The following SAMD12 variants were observed in gnomAD, a reference collection of about 807,000 sequenced individuals.
The protein encoded by SAMD12 is sterile alpha motif domain-containing protein 12.
SAMD12 carries 9 observed loss-of-function variants against 15.0 expected under a neutral mutation model. The observed-to-expected ratio is 0.60, with a 90% CI of 0.36 to 1.05. The LOEUF (loss-of-function observed/expected upper bound fraction) is 1.05, where lower values mean the gene tolerates loss of function less well. SAMD12 is among the 50% of genes least tolerant of loss of function. The pLI is 0.01. For missense variants in SAMD12, 230 were observed against 234.2 expected (o/e 0.98, Z 0.12); for synonymous variants, 86 against 90.1 (o/e 0.96, Z 0.25).
At chr8:118,288,638 A>T (rs1022321278) in intron 4 of SAMD12, among the ~76,000 whole-genome samples, 15 of 152,350 alleles carry the variant, frequency 9.8e-5, no homozygotes, top group Non-Finnish European at 2.2e-4. Flanking sequence ...ATATAATTAT[A>T]CAAGAACAGA....
At chr8:118,201,372 G>A (rs1014575355) in intron 4 of SAMD12, among the ~76,000 whole-genome samples, 6 of 151,924 alleles carry the variant, frequency 3.9e-5, no homozygotes, top group Non-Finnish European at 5.9e-5. Context: ...CACCTAGAGC[G>A]TCACTTCCTT....
chr8:118,253,742 A>G (rs766222063), intron 4 of SAMD12, among the ~76,000 whole-genome samples: 2 of 152,192 alleles, frequency 1.3e-5, no homozygotes, highest in African/African-American at 2.4e-5. Context: ...AACCAAGGTC[A>G]GGTCCCAGAA....
intron 4 of SAMD12, among the ~76,000 whole-genome samples, chr8:118,344,709 G>A (rs1181452151): frequency 6.6e-6 from 1 of 152,134 alleles, no homozygotes; most frequent in East Asian, 1.9e-4. Flanking sequence ...TTGAGGGCAG[G>A]GACTTGTTTT....
chr8:118,220,602 G>A (rs1812062012), intron 4 of SAMD12, among the ~76,000 whole-genome samples: 1 of 152,020 alleles, frequency 6.6e-6, no homozygotes, highest in Non-Finnish European at 1.5e-5. Context: ...TTATTCTCAT[G>A]TGTTTCTCAA....
At chr8:118,245,821 G>C (rs1812677306) in intron 4 of SAMD12, among the ~76,000 whole-genome samples, 1 of 152,048 alleles carries the variant, frequency 6.6e-6, no homozygotes, top group African/African-American at 2.4e-5. Context: ...CTCTAAACAG[G>C]CAGATCTTTC....
chr8:118,469,046 C>T (rs1371148590), intron 2 of SAMD12, among the ~76,000 whole-genome samples: 1 of 152,152 alleles, frequency 6.6e-6, no homozygotes, highest in African/African-American at 2.4e-5. Flanking sequence ...GGAAGGCAGC[C>T]CAGCACATTT....
intron 4 of SAMD12, among the ~76,000 whole-genome samples, chr8:118,299,211 A>G (rs1421333654): frequency 1.3e-5 from 2 of 152,204 alleles, no homozygotes; most frequent in Non-Finnish European, 2.9e-5. Context: ...ATATATAAAT[A>G]AGGTACCAGA....
intron 2 of SAMD12, among the ~76,000 whole-genome samples, chr8:118,539,175 A>T (rs572740563): frequency 2.6e-5 from 4 of 152,234 alleles, no homozygotes; most frequent in Admixed American, 1.3e-4. Flanking sequence ...TGCTGATCAT[A>T]TATAGATATA....
chr8:118,292,185 C>T (rs1364126769), intron 4 of SAMD12, among the ~76,000 whole-genome samples: 7 of 151,354 alleles, frequency 4.6e-5, no homozygotes, highest in Middle Eastern at 6.8e-3. Context: ...ACTGCAAATA[C>T]GGTGCTGTGT....
At chr8:118,444,912 T>A (rs1460257669) in intron 2 of SAMD12, among the ~76,000 whole-genome samples, 3 of 152,164 alleles carry the variant, frequency 2.0e-5, no homozygotes, top group Admixed American at 6.5e-5. Flanking sequence ...GTGAGCCCAG[T>A]TGGTTGATTA....
chr8:118,541,080 A>T (rs998926825), intron 2 of SAMD12, among the ~76,000 whole-genome samples: 3 of 152,186 alleles, frequency 2.0e-5, no homozygotes, highest in African/African-American at 4.8e-5. Context: ...ACCAAGAAAA[A>T]CTACCACATG....
intron 2 of SAMD12, among the ~76,000 whole-genome samples, chr8:118,574,352 C>T (rs1827097045): frequency 6.6e-6 from 1 of 152,206 alleles, no homozygotes; most frequent in South Asian, 2.1e-4. Context: ...TGGCTCCAAG[C>T]ACTTGTTATT....
At chr8:118,533,096 A>G (rs1157395241) in intron 2 of SAMD12, among the ~76,000 whole-genome samples, 4 of 151,968 alleles carry the variant, frequency 2.6e-5, no homozygotes, top group African/African-American at 7.2e-5. Flanking sequence ...ATTTCCCTCT[A>G]CACACTGTTT....
chr8:118,155,498 T>C, the SAMD12 span, among the ~76,000 whole-genome samples: 1 of 152,232 alleles, frequency 6.6e-6, no homozygotes, highest in Admixed American at 6.5e-5. Flanking sequence ...GTCTCTGGCA[T>C]CCCATCTGGT....
chr8:118,465,605 G>A (rs1458164899), intron 2 of SAMD12, among the ~76,000 whole-genome samples: 1 of 152,118 alleles, frequency 6.6e-6, no homozygotes, highest in East Asian at 1.9e-4. Context: ...CCTGTCAAGG[G>A]CTGCCCTTAG....
intron 1 of SAMD12, among the ~76,000 whole-genome samples, chr8:118,588,696 G>A (rs1827508823): frequency 1.3e-5 from 2 of 152,094 alleles, no homozygotes; most frequent in Non-Finnish European, 2.9e-5. Context: ...CTTGCTCTAG[G>A]GTAGAGTATA....
intron 4 of SAMD12, among the ~76,000 whole-genome samples, chr8:118,341,385 A>G (rs1382807445): frequency 6.6e-6 from 1 of 152,256 alleles, no homozygotes. Context: ...TCAAGTAAAG[A>G]AATGTTAAAT....
intron 4 of SAMD12, among the ~76,000 whole-genome samples, chr8:118,219,263 C>T (rs143912325): frequency 1.9e-4 from 29 of 152,298 alleles, no homozygotes; most frequent in East Asian, 3.9e-4. Context: ...CACATCTAGA[C>T]GCAAATTCCT....
At chr8:118,552,760 A>T (rs1311044230) in intron 2 of SAMD12, among the ~76,000 whole-genome samples, 3 of 152,216 alleles carry the variant, frequency 2.0e-5, no homozygotes, top group Non-Finnish European at 4.4e-5. Context: ...CACAGATGAC[A>T]TGATTGTATC....
Sources: allele counts gnomAD v4.1 joint callset (sites outside exome capture counted in the v4.1 genomes callset), GRCh38; gene constraint gnomAD v4.1.1; transcripts MANE v1.5; gene names NCBI Gene and HGNC (gene_info 2026-07-23, HGNC 2026-07-21).